The following PCDHAC1 variants were observed in gnomAD, a reference collection of about 807,000 sequenced individuals.
The protein encoded by PCDHAC1 is protocadherin alpha-C1.
PCDHAC1 carries 42 observed loss-of-function variants against 60.0 expected under a neutral mutation model. That is an observed-to-expected ratio of 0.70 (90% confidence interval 0.55 to 0.90). The LOEUF (loss-of-function observed/expected upper bound fraction) is 0.90. Among genes scored for constraint, PCDHAC1 ranks in the 40% least tolerant of loss-of-function variants. PCDHAC1 has a pLI of 0.00. For missense variants in PCDHAC1, 1,160 were observed against 1,222.3 expected, an observed-to-expected ratio of 0.95 and a Z score of 0.76; for synonymous variants, 468 against 499.3, an observed-to-expected ratio of 0.94 and a Z score of 0.84.
rs1554206042 is a variant in PCDHAC1, at chr5:140,928,597, A to G, written c.1705A>G (p.Ile569Val). 6.2e-7 allele frequency: 1 copy of G among 1,614,226 alleles called. No homozygotes were observed. Among genetic ancestry groups the G allele is most frequent in the East Asian group, 2.2e-5 (1 of 44,880 alleles). Residue 569 changes from isoleucine (I) to valine (V), a missense_variant, in exon 1 of 4, where the codon ATT becomes GTT. Ile to Val is a conservative substitution (Grantham distance 29, BLOSUM62 3). Around this residue, in one of 3 missense-constraint regions of PCDHAC1, gnomAD observed 1,113 missense variants for 1,163.7 expected, o/e 0.96. Transcript: ENST00000253807. The stretch of plus-strand genomic sequence containing the variant: ...CAGAAATGGTTCTGTCCCAGTGGAA[A>G]TTGTGCCCCGCTCTGCCAGGACTGG... ...LPRNGSVPVE[I>V]VPRSARTGHL...
At chr5:140,936,925 T>C (rs1554211273) in intron 1 of PCDHAC1, among the ~76,000 whole-genome samples, 2 of 152,208 alleles carry the variant, frequency 1.3e-5, no homozygotes, top group African/African-American at 2.4e-5. Context: ...AAATATGGGG[T>C]ATATTGAAAA....
chr5:140,981,687 A>ATCAT (rs200213847), intron 2 of PCDHAC1, among the ~76,000 whole-genome samples: 1,547 of 152,086 alleles, frequency 0.01, 18 homozygotes, highest in African/African-American at 0.031. Flanking sequence ...CCTCCCTTCC[A>ATCAT]TCATTCATTC....
chr5:140,955,049 G>T (rs2095130069), intron 1 of PCDHAC1, among the ~76,000 whole-genome samples: 1 of 152,130 alleles, frequency 6.6e-6, no homozygotes, highest in Admixed American at 6.6e-5. Context: ...CTCATTGCTT[G>T]TTTTTGTCAG....
At chr5:140,967,456 G>C in intron 1 of PCDHAC1, 1 of 1,613,598 alleles carries the variant, frequency 6.2e-7, no homozygotes, top group Non-Finnish European at 8.5e-7. Context: ...TCACAGCCGT[G>C]GATGGGGGCA....
chr5:140,936,003 C>T (rs1362734996), intron 1 of PCDHAC1, among the ~76,000 whole-genome samples: 22 of 151,556 alleles, frequency 1.5e-4, no homozygotes, highest in Non-Finnish European at 1.5e-4. Context: ...AGCGATTCTC[C>T]CACCTCAGCC....
chr5:140,994,105 A>G (rs1264024543), intron 3 of PCDHAC1, among the ~76,000 whole-genome samples: 2 of 152,226 alleles, frequency 1.3e-5, no homozygotes, highest in African/African-American at 2.4e-5. Context: ...TGGAAATATT[A>G]CATTGTCATG....
intron 1 of PCDHAC1, chr5:140,930,569 A>G (rs1448447791): frequency 6.6e-6 from 1 of 152,542 alleles, no homozygotes; most frequent in Non-Finnish European, 1.5e-5. Flanking sequence ...AAGCAATTCT[A>G]CGGTATTACT....
chr5:140,993,509 C>CAT (rs1488940144), intron 3 of PCDHAC1, among the ~76,000 whole-genome samples: 3 of 143,600 alleles, frequency 2.1e-5, no homozygotes, highest in African/African-American at 7.8e-5. Flanking sequence ...CACACACACA[C>CAT]GGGGAGAGAG....
intron 3 of PCDHAC1, among the ~76,000 whole-genome samples, chr5:140,991,634 A>G (rs1261533190): frequency 5.9e-5 from 9 of 152,196 alleles, no homozygotes; most frequent in African/African-American, 1.7e-4. Flanking sequence ...TGTAATAACA[A>G]TCTGTTCATG....
intron 1 of PCDHAC1, among the ~76,000 whole-genome samples, chr5:140,953,839 A>G (rs2094940958): frequency 6.6e-6 from 1 of 152,192 alleles, no homozygotes; most frequent in African/African-American, 2.4e-5. Flanking sequence ...TTTGTTACCC[A>G]GGTAAACATG....
At chr5:140,957,725 A>T (rs1385506394) in intron 1 of PCDHAC1, among the ~76,000 whole-genome samples, 1 of 152,156 alleles carries the variant, frequency 6.6e-6, no homozygotes, top group Non-Finnish European at 1.5e-5. Context: ...AAAGAAGCAG[A>T]ATTATATATA....
intron 1 of PCDHAC1, among the ~76,000 whole-genome samples, chr5:140,977,949 G>A (rs919613337): frequency 2.6e-5 from 4 of 152,036 alleles, no homozygotes; most frequent in Admixed American, 6.6e-5. Context: ...TTCAGTGACA[G>A]GGCCACCTCA....
At chr5:140,993,621 A>G (rs531527051) in intron 3 of PCDHAC1, among the ~76,000 whole-genome samples, 7 of 152,190 alleles carry the variant, frequency 4.6e-5, no homozygotes, top group African/African-American at 1.7e-4. Flanking sequence ...GGGACCCTCT[A>G]TATATAGTCG....
intron 3 of PCDHAC1, among the ~76,000 whole-genome samples, chr5:141,004,496 C>T (rs1179748811): frequency 6.6e-6 from 1 of 152,152 alleles, no homozygotes; most frequent in Non-Finnish European, 1.5e-5. Context: ...CTTGGCAGTC[C>T]TGCTGTGAGG....
At chr5:140,960,131 C>T (rs781965980) in intron 1 of PCDHAC1, among the ~76,000 whole-genome samples, 11 of 152,114 alleles carry the variant, frequency 7.2e-5, no homozygotes, top group African/African-American at 9.7e-5. Context: ...TTATGAAATA[C>T]TTAGATATTA....
Position 140,927,193 on chromosome 5 carries a change from C to G in PCDHAC1, c.301C>G (p.Leu101Val). ...CTGCGTCTTGACCTACGACCTGGTG[C>G]TCGAGGACCCGCTGGAGCTGCACAA... ...AACVLTYDLV[L>V]EDPLELHKIR... Residue 101 changes from leucine (L) to valine (V), a missense_variant, in exon 1 of 4, where the codon CTC becomes GTC. Physicochemically the swap from Leu to Val is conservative, Grantham distance 32. Around this residue, in one of 3 missense-constraint regions of PCDHAC1, gnomAD observed 1,113 missense variants for 1,163.7 expected, o/e 0.96. Transcript: ENST00000253807. 6.2e-7 allele frequency: 1 copy of G among 1,614,186 alleles called. No homozygotes were observed. Among genetic ancestry groups the G allele is most frequent in the South Asian group, 1.1e-5 (1 of 91,086 alleles).
At chr5:140,975,330 A>G (rs563974651) in intron 1 of PCDHAC1, among the ~76,000 whole-genome samples, 1 of 152,320 alleles carries the variant, frequency 6.6e-6, no homozygotes, top group African/African-American at 2.4e-5. Flanking sequence ...CATCCAGATG[A>G]TCTCCCTTTC....
intron 3 of PCDHAC1, among the ~76,000 whole-genome samples, chr5:140,990,733 A>G (rs2097410113): frequency 6.6e-6 from 1 of 152,198 alleles, no homozygotes; most frequent in Admixed American, 6.5e-5. Flanking sequence ...GTATATCAAC[A>G]GCCCTAGGGT....
rs2096251050 is a variant in PCDHAC1, at chr5:140,968,498, C to T, written c.2434-10451C>T. 3 of 1,614,190 alleles carry T rather than the reference C, an allele frequency of 1.9e-6. No individual in the cohort carries two copies. The highest frequency in any genetic ancestry group is 2.5e-6 in the Non-Finnish European group (3 of 1,180,042). The stretch of plus-strand genomic sequence containing the variant: ...GGTGGACATGAATGACCATGCCCCT[C>T]ACATTCTGTACCCTACCTCAACCAA... On this transcript the variant is annotated intron_variant, in intron 1 of 3. Coordinates refer to ENST00000253807, the MANE Select transcript of PCDHAC1 (RefSeq NM_018898.5).
Sources: gnomAD v4.1 joint callset for allele counts (sites outside exome capture counted in the v4.1 genomes callset) on GRCh38, gnomAD v4.1.1 for gene constraint, gnomAD v4.1.1 regional missense constraint, MANE v1.5 for transcripts, NCBI Gene and HGNC (gene_info 2026-07-23, HGNC 2026-07-21) for gene names.